Variants in NIPBL observed in about 807,000 individuals in gnomAD.
NIPBL encodes the protein nipped-B-like protein.
NIPBL carries 19 observed loss-of-function variants against 321.8 expected under a neutral mutation model. The ratio of observed to expected loss-of-function variants is 0.06; its 90% CI spans 0.04 to 0.09. The LOEUF is 0.09. Among genes scored for constraint, NIPBL ranks in the 10% least tolerant of loss-of-function variants. The pLI is 1.00. For synonymous variants in NIPBL, 1,106 were observed against 1,114.1 expected (o/e 0.99, Z 0.14); for missense variants, 2,210 against 3,327.0 (o/e 0.66, Z 8.26).
intron 21 of NIPBL, among the ~76,000 whole-genome samples, chr5:37,011,890 A>T (rs1748168642): frequency 6.6e-6 from 1 of 152,160 alleles, no homozygotes; most frequent in Non-Finnish European, 1.5e-5. Flanking sequence ...GTTTCTGTAG[A>T]TACACTTAGA....
At chr5:37,028,580 A>T (rs145141850) in intron 32 of NIPBL, among the ~76,000 whole-genome samples, 4,969 of 152,152 alleles carry the variant, frequency 0.033, 260 homozygotes, top group African/African-American at 0.11. Flanking sequence ...ACCTCAGGTG[A>T]TCTGCCCACC....
At chr5:37,047,402 G>C (rs954337969) in intron 38 of NIPBL, among the ~76,000 whole-genome samples, 7 of 152,156 alleles carry the variant, frequency 4.6e-5, no homozygotes, top group Non-Finnish European at 2.9e-5. Flanking sequence ...ATTAAATCAT[G>C]TTTATGATTT....
intron 38 of NIPBL, 31 bp from the exon 39 acceptor site, chr5:37,048,471 T>G: frequency 7.2e-7 from 1 of 1,386,686 alleles, no homozygotes; most frequent in South Asian, 1.5e-5. Context: ...TTAATATGAA[T>G]ATATGATGAG....
At chr5:37,013,163 C>CG (rs1212430833) in intron 21 of NIPBL, among the ~76,000 whole-genome samples, 2 of 140,478 alleles carry the variant, frequency 1.4e-5, no homozygotes, top group Admixed American at 7.0e-5. Context: ...GCTGGCCAGG[C>CG]GGGGGGCTGA....
intron 6 of NIPBL, among the ~76,000 whole-genome samples, chr5:36,967,964 G>A (rs367886963): frequency 2.6e-5 from 4 of 151,912 alleles, no homozygotes; most frequent in African/African-American, 7.3e-5. Flanking sequence ...AGGCAAGGTG[G>A]TGTGTGCCTG....
chr5:37,000,386 A>T lies in NIPBL; in HGVS notation c.3318A>T (p.Arg1106=). ...ATTTGCTTCTAGCCTCTAGGAAACG[A>T]CATAAAAAAGATGATGATAAAGCTT... is the stretch of plus-strand genomic sequence containing the variant. ...SDEAFESSRK[R]HKKDDDKAWE... Residue 1106 remains arginine (R), a synonymous_variant, in exon 12 of 47, where the codon CGA becomes CGT. Transcript: ENST00000282516. 6.2e-7 allele frequency: 1 copy of T among 1,612,840 alleles called. No homozygotes were observed. The highest frequency in any genetic ancestry group is 8.5e-7 in the Non-Finnish European group (1 of 1,179,184).
chr5:36,890,619 G>GGATC (rs1303932699), intron 1 of NIPBL, among the ~76,000 whole-genome samples: 5 of 152,134 alleles, frequency 3.3e-5, no homozygotes, highest in Non-Finnish European at 7.3e-5. Context: ...AATTAGCATG[G>GGATC]GATCTAAACT....
At chr5:36,962,367 T>A in intron 6 of NIPBL, 93 bp downstream of exon 6, 1 of 1,252,524 alleles carries the variant, frequency 8.0e-7, no homozygotes, top group Non-Finnish European at 1.2e-6. Flanking sequence ...AAACACAAAC[T>A]AAAATACTAT....
At chr5:37,004,948 C>G (rs924477755) in intron 16 of NIPBL, among the ~76,000 whole-genome samples, 4 of 152,118 alleles carry the variant, frequency 2.6e-5, no homozygotes, top group Non-Finnish European at 5.9e-5. Flanking sequence ...CACAGGATTG[C>G]TAGGGGATCT....
intron 17 of NIPBL, 78 bp from the exon 18 acceptor site, chr5:37,007,245 A>G: frequency 7.7e-7 from 1 of 1,306,640 alleles, no homozygotes; most frequent in East Asian, 2.5e-5. Context: ...CTCTTAATTC[A>G]AAAAACAGTT....
chr5:36,973,419 A>C (rs533391849), intron 8 of NIPBL, among the ~76,000 whole-genome samples: 1 of 151,938 alleles, frequency 6.6e-6, no homozygotes, highest in Admixed American at 6.6e-5. Flanking sequence ...ACATAGGTAT[A>C]CATGTGCCAT....
chr5:37,024,872 T>C (rs1245039187), intron 30 of NIPBL, among the ~76,000 whole-genome samples, 153 bp downstream of exon 30: 3 of 152,220 alleles, frequency 2.0e-5, no homozygotes, highest in African/African-American at 7.2e-5. Context: ...CTTTAATTTT[T>C]TTTGTTTCTA....
intron 46 of NIPBL, 32 bp downstream of exon 46, chr5:37,064,010 A>G (rs1283251260): frequency 6.2e-7 from 1 of 1,610,696 alleles, no homozygotes; most frequent in Non-Finnish European, 8.5e-7. Context: ...CGTATTTCGC[A>G]GCGTATTACG....
At chr5:36,950,551 C>G (rs1354471192) in intron 1 of NIPBL, among the ~76,000 whole-genome samples, 1 of 151,956 alleles carries the variant, frequency 6.6e-6, no homozygotes, top group Non-Finnish European at 1.5e-5. Context: ...TCTTATAGTT[C>G]TATTCCCTCC....
At chr5:36,923,015 C>G (rs115904087) in intron 1 of NIPBL, among the ~76,000 whole-genome samples, 2,782 of 151,770 alleles carry the variant, frequency 0.018, 75 homozygotes, top group African/African-American at 0.057. Context: ...TAGGCCAGGG[C>G]TGGTGGCTCA....
At chr5:36,925,731 G>A (rs1749311568) in intron 1 of NIPBL, among the ~76,000 whole-genome samples, 1 of 152,162 alleles carries the variant, frequency 6.6e-6, no homozygotes, top group South Asian at 2.1e-4. Flanking sequence ...ATTGTTAGAA[G>A]GCTGTTTCTT....
At chr5:36,935,885 A>C (rs1040011349) in intron 1 of NIPBL, among the ~76,000 whole-genome samples, 2 of 151,994 alleles carry the variant, frequency 1.3e-5, no homozygotes, top group Non-Finnish European at 2.9e-5. Flanking sequence ...CTATCCCTAC[A>C]TGGCTCCCTT....
intron 1 of NIPBL, among the ~76,000 whole-genome samples, chr5:36,932,778 GTTTTTTTTTTT>G (rs35264312): frequency 1.4e-5 from 1 of 69,866 alleles, no homozygotes; most frequent in Non-Finnish European, 2.6e-5. Flanking sequence ...TTCCTCTGCT[GTTTTTTTTTTT>G]TTTTTTTTTT....
chr5:36,890,625 A>C (rs188684468), intron 1 of NIPBL, among the ~76,000 whole-genome samples: 169 of 152,348 alleles, frequency 1.1e-3, no homozygotes, highest in Non-Finnish European at 2.6e-4. Context: ...CATGGGATCT[A>C]AACTGCTATT....
Sources: gnomAD v4.1 joint callset for allele counts (sites outside exome capture counted in the v4.1 genomes callset) on GRCh38, gnomAD v4.1.1 for gene constraint, MANE v1.5 for transcripts, NCBI Gene and HGNC (gene_info 2026-07-23, HGNC 2026-07-21) for gene names.